Variants in ADAMTS19 observed in about 807,000 individuals in gnomAD.
ADAMTS19 encodes the protein A disintegrin and metalloproteinase with thrombospondin motifs 19.
In ADAMTS19, 93 loss-of-function variants were observed where a neutral mutation model predicts 153.3. That is an observed-to-expected ratio of 0.61 (90% CI 0.51 to 0.72). The LOEUF (loss-of-function observed/expected upper bound fraction) is 0.72, where lower values mean the gene tolerates loss of function less well. ADAMTS19 is among the 30% of genes least tolerant of loss of function. The probability of loss-of-function intolerance (pLI) is 0.00; values close to 1 mark genes in which losing one functional copy is unlikely to be tolerated. For synonymous variants in ADAMTS19, 600 were observed against 556.6 expected, an observed-to-expected ratio of 1.08 and a Z score of -1.10; for missense variants, 1,482 against 1,552.1, an observed-to-expected ratio of 0.95 and a Z score of 0.76.
At chr5:129,611,580 T>C (rs928128040) in intron 8 of ADAMTS19, among the ~76,000 whole-genome samples, 5 of 152,160 alleles carry the variant, frequency 3.3e-5, no homozygotes, top group Non-Finnish European at 7.4e-5. Flanking sequence ...GTCAGATTTG[T>C]CAAAGATCAG....
At chr5:129,575,488 T>C (rs909647292) in intron 7 of ADAMTS19, among the ~76,000 whole-genome samples, 1 of 152,072 alleles carries the variant, frequency 6.6e-6, no homozygotes, top group African/African-American at 2.4e-5. Flanking sequence ...ATCTTACCTA[T>C]TTTTCAGAGT....
At chr5:129,702,941 A>AAAAAAAAAAAAATATATATATATATAT in intron 20 of ADAMTS19, among the ~76,000 whole-genome samples, 1 of 29,308 alleles carries the variant, frequency 3.4e-5, no homozygotes, top group African/African-American at 8.5e-5. Flanking sequence ...AAAAAAAAAA[A>AAAAAAAAAAAAATATATATATATATAT]ATATATATAT....
At chr5:129,620,583 T>C (rs771519102) in intron 8 of ADAMTS19, 35 bp from the exon 9 acceptor site, 2 of 1,464,392 alleles carry the variant, frequency 1.4e-6, no homozygotes, top group South Asian at 1.5e-5. Context: ...ATTTACTTAG[T>C]GTAAATTTTA....
At chr5:129,549,967 G>T (rs57780539) in intron 6 of ADAMTS19, among the ~76,000 whole-genome samples, 10 of 128,524 alleles carry the variant, frequency 7.8e-5, no homozygotes, top group Non-Finnish European at 1.1e-4. Context: ...TATGTATCTA[G>T]ATATACATAT....
intron 6 of ADAMTS19, 77 bp from the exon 7 acceptor site, chr5:129,551,785 CTA>C: frequency 1.2e-6 from 1 of 810,222 alleles, no homozygotes; most frequent in Non-Finnish European, 2.0e-6. Flanking sequence ...AATCATATAA[CTA>C]TTAAAAATGA....
intron 7 of ADAMTS19, among the ~76,000 whole-genome samples, chr5:129,583,756 TC>T (rs1248193384): frequency 6.6e-6 from 1 of 151,884 alleles, no homozygotes; most frequent in Non-Finnish European, 1.5e-5. Flanking sequence ...GTTTTTCAGC[TC>T]CATCGCATCA....
chr5:129,488,821 GT>G (rs1750676947), intron 2 of ADAMTS19, among the ~76,000 whole-genome samples: 1 of 152,110 alleles, frequency 6.6e-6, no homozygotes, highest in South Asian at 2.1e-4. Context: ...TTTCTACACT[GT>G]TTTTTGTATT....
intron 3 of ADAMTS19, among the ~76,000 whole-genome samples, chr5:129,522,125 A>C (rs916220733): frequency 6.6e-6 from 1 of 151,468 alleles, no homozygotes; most frequent in Non-Finnish European, 1.5e-5. Flanking sequence ...GTGCTGGATA[A>C]TACTCAGATT....
intron 2 of ADAMTS19, among the ~76,000 whole-genome samples, chr5:129,480,640 T>C (rs1285437860): frequency 1.3e-5 from 2 of 152,126 alleles, no homozygotes; most frequent in African/African-American, 4.8e-5. Context: ...GTGAAAAAGA[T>C]GGATAATATT....
rs573924675 is a variant in ADAMTS19, at chr5:129,524,855, A to C, written c.914-1429A>C. Among the ~76,000 whole-genome samples, 4 of 151,860 alleles carry C rather than the reference A, an allele frequency of 2.6e-5. No homozygotes were observed. In the South Asian group the frequency reaches 8.3e-4, roughly 32 times the overall value. Reference sequence around the variant, plus strand: ...TAATTTCTCCTACCCTAAGATATTCACTGAGTTGGTTTTTAAGAGCATTTC... The same window carrying C: ...TAATTTCTCCTACCCTAAGATATTCCCTGAGTTGGTTTTTAAGAGCATTTC... On this transcript the variant is annotated intron_variant, in intron 3 of 22. Coordinates refer to ENST00000274487, the MANE Select transcript of ADAMTS19 (RefSeq NM_133638.6).
At chr5:129,644,811 C>T (rs540058651) in intron 11 of ADAMTS19, among the ~76,000 whole-genome samples, 1 of 152,220 alleles carries the variant, frequency 6.6e-6, no homozygotes, top group Admixed American at 6.5e-5. Context: ...GAACCTTAGA[C>T]TGTTTGGAAG....
At chr5:129,479,409 G>T (rs755491632) in intron 2 of ADAMTS19, among the ~76,000 whole-genome samples, 1 of 152,114 alleles carries the variant, frequency 6.6e-6, no homozygotes, top group East Asian at 1.9e-4. Context: ...AAATTATCAC[G>T]TTAGGGAGAT....
rs75124214 is a variant in ADAMTS19, at chr5:129,578,442, A to G, written c.1373-18117A>G. On this transcript the variant is annotated intron_variant, in intron 7 of 22. Coordinates refer to ENST00000274487, the MANE Select transcript of ADAMTS19 (RefSeq NM_133638.6). ...TACATATACCTATATGCATGTATAT[A>G]TACACACATATACACACATATATAT... is the stretch of plus-strand genomic sequence containing the variant. Among the ~76,000 whole-genome samples, 365 of 149,616 alleles carry G rather than the reference A, an allele frequency of 2.4e-3. 2 individuals are homozygous for G. Among genetic ancestry groups the G allele is most frequent in the South Asian group, 0.011 (52 of 4,690 alleles).
chr5:129,727,643 T>C (rs1160088052), intron 21 of ADAMTS19, among the ~76,000 whole-genome samples: 2 of 152,168 alleles, frequency 1.3e-5, no homozygotes, highest in Non-Finnish European at 2.9e-5. Context: ...CCGTAGACAG[T>C]AGACAGTTTG....
intron 8 of ADAMTS19, among the ~76,000 whole-genome samples, chr5:129,610,280 T>C (rs10069823): frequency 0.028 from 4,264 of 152,114 alleles, 199 homozygotes; most frequent in African/African-American, 0.096. Flanking sequence ...ATGGAAGGTA[T>C]TCTTTTTTAT....
intron 21 of ADAMTS19, among the ~76,000 whole-genome samples, chr5:129,711,785 A>G (rs995552302): frequency 9.9e-5 from 15 of 152,210 alleles, no homozygotes; most frequent in Non-Finnish European, 5.9e-5. Flanking sequence ...GGTGTTAAAT[A>G]AAGAAAATCA....
intron 16 of ADAMTS19, among the ~76,000 whole-genome samples, chr5:129,671,099 A>G (rs575971352): frequency 4.4e-4 from 67 of 152,280 alleles, no homozygotes; most frequent in African/African-American, 1.6e-3. Context: ...ACATTTCCTT[A>G]CTTGCTGACT....
intron 6 of ADAMTS19, among the ~76,000 whole-genome samples, chr5:129,529,848 A>G (rs533746681): frequency 6.6e-6 from 1 of 152,282 alleles, no homozygotes; most frequent in Admixed American, 6.5e-5. Context: ...GATTGCTGCT[A>G]TGGAGTTCAG....
At chr5:129,491,971 G>T (rs1375070719) in intron 2 of ADAMTS19, among the ~76,000 whole-genome samples, 2 of 152,122 alleles carry the variant, frequency 1.3e-5, no homozygotes, top group Non-Finnish European at 2.9e-5. Flanking sequence ...ATTACTTTTG[G>T]AGATAAGTTG....
Sources: allele counts gnomAD v4.1 joint callset (sites outside exome capture counted in the v4.1 genomes callset), GRCh38; gene constraint gnomAD v4.1.1; transcripts MANE v1.5; gene names NCBI Gene and HGNC (gene_info 2026-07-23, HGNC 2026-07-21).